Variants in LAMA4 observed in about 807,000 individuals in gnomAD.
LAMA4 encodes the protein laminin subunit alpha 4.
In LAMA4, 127 loss-of-function variants were observed where a neutral mutation model predicts 207.1. That is an observed-to-expected ratio of 0.61 (90% confidence interval 0.53 to 0.71). LAMA4 has a LOEUF of 0.71. Ranked by LOEUF, LAMA4 falls within the 30% of genes least tolerant of loss-of-function variation. The pLI, the probability that LAMA4 is intolerant of heterozygous loss-of-function variation, is 0.00. For synonymous variants in LAMA4, 761 were observed against 816.0 expected (o/e 0.93, Z 1.15); for missense variants, 2,093 against 2,246.5 (o/e 0.93, Z 1.38).
chr6:112,121,704 G>T, intron 32 of LAMA4: 1 of 354,088 alleles, frequency 2.8e-6, no homozygotes, highest in Non-Finnish European at 5.4e-6. Context: ...GAGGGAGGGG[G>T]ATATCAATGT....
chr6:112,226,867 A>G (rs1785243003), intron 2 of LAMA4, among the ~76,000 whole-genome samples: 1 of 152,176 alleles, frequency 6.6e-6, no homozygotes. Flanking sequence ...AAACAGTATG[A>G]TGTTTATACT....
At chr6:112,182,405 T>C (rs1036014603) in intron 9 of LAMA4, among the ~76,000 whole-genome samples, 1 of 152,214 alleles carries the variant, frequency 6.6e-6, no homozygotes, top group South Asian at 2.1e-4. Context: ...ATGGTAAATT[T>C]GTATTTTGCG....
intron 25 of LAMA4, among the ~76,000 whole-genome samples, chr6:112,135,264 C>T (rs1442507831): frequency 6.6e-6 from 1 of 152,148 alleles, no homozygotes; most frequent in Non-Finnish European, 1.5e-5. Context: ...ACACATTGAA[C>T]AGCAATTTCT....
chr6:112,120,192 A>G (rs1778265544), intron 33 of LAMA4, 91 bp downstream of exon 33: 1 of 1,037,386 alleles, frequency 9.6e-7, no homozygotes, highest in Non-Finnish European at 1.4e-6. Context: ...TTTAAAATGG[A>G]TATTTCTAGA....
At chr6:112,212,213 T>C (rs1554356880) in intron 3 of LAMA4, among the ~76,000 whole-genome samples, 1 of 145,848 alleles carries the variant, frequency 6.9e-6, no homozygotes, top group African/African-American at 2.6e-5. Context: ...ATTACTTGCA[T>C]TCAGTTTCTG....
intron 3 of LAMA4, among the ~76,000 whole-genome samples, chr6:112,214,391 CTTCT>C: frequency 1.3e-5 from 2 of 152,144 alleles, no homozygotes; most frequent in Middle Eastern, 6.8e-3. Flanking sequence ...GCCACTATAT[CTTCT>C]TTCTTTCTAA....
intron 16 of LAMA4, among the ~76,000 whole-genome samples, chr6:112,153,687 AG>A (rs1780531570): frequency 1.3e-5 from 2 of 152,128 alleles, no homozygotes; most frequent in Admixed American, 1.3e-4. Context: ...AGCAATACAT[AG>A]ATATAGCAAC....
chr6:112,109,896 TTTTTAA>T (rs1554321088), intron 38 of LAMA4, among the ~76,000 whole-genome samples: 1 of 152,208 alleles, frequency 6.6e-6, no homozygotes, highest in Non-Finnish European at 1.5e-5. Context: ...CTACCTATGT[TTTTTAA>T]AGTTAATTTC....
At chr6:112,172,526 A>T (rs1180938148) in intron 12 of LAMA4, 85 bp downstream of exon 12, 24 of 1,315,402 alleles carry the variant, frequency 1.8e-5, no homozygotes, top group East Asian at 4.8e-5. Context: ...CCAATATTTT[A>T]AAAAAATTTA....
rs2115024186 is a variant in LAMA4, at chr6:112,207,058, A to G, written c.385T>C (p.Cys129Arg). ...GDSIRGAPQF[C>R]QPCPCPLPHL... ...GGCAGGGGACAGGGGCACGGCTGGC[A>G]GAATTGGGGTGCTCCCCTGATGGAA... is the stretch of plus-strand genomic sequence containing the variant. Residue 129 changes from cysteine (C) to arginine (R), a missense_variant, in exon 4 of 39, where the codon TGC (cysteine) becomes CGC (arginine). Physicochemically the swap from Cys to Arg is radical, Grantham distance 180. Transcript: ENST00000230538. The G allele has an allele frequency of 6.2e-7, 1 of 1,614,018 alleles. No homozygotes were observed. The highest frequency in any genetic ancestry group is 2.2e-5 in the East Asian group (1 of 44,850).
chr6:112,114,571 A>G (rs587722742), intron 37 of LAMA4, 92 bp downstream of exon 37: 15 of 853,938 alleles, frequency 1.8e-5, no homozygotes, highest in South Asian at 1.7e-4. Flanking sequence ...ACTGTCATGC[A>G]TTACCTATCA....
rs782519121 is a variant in LAMA4 at position 112,132,752 on chromosome 6, C to A, written c.3834+1G>T. On this transcript the variant is annotated splice_donor_variant, in intron 28 of 38. Coordinates refer to ENST00000230538, the MANE Select transcript of LAMA4 (RefSeq NM_001105206.3). LOFTEE classifies it high-confidence loss of function. Reference sequence around the variant, plus strand: ...TTCCTCAGAGAAAAACAAACACTTACCCCTGAAGCATAATAGAATAGTAAC... The same window carrying A: ...TTCCTCAGAGAAAAACAAACACTTAACCCTGAAGCATAATAGAATAGTAAC... 1 of 1,612,488 alleles carries A rather than the reference C, an allele frequency of 6.2e-7. No individual in the cohort carries two copies.
chr6:112,119,160 A>C lies in LAMA4; in HGVS notation c.4817T>G (p.Val1606Gly). ...GVAPGKAVKNVQINSIYSFSG... is the reference protein window; with the variant it reads ...GVAPGKAVKNGQINSIYSFSG... ...ACCTGGTCATGCCTGGCTTACCTGA[A>C]CATTTTTCACAGCCTTTCCAGGAGC... Residue 1606 changes from valine to glycine, a missense_variant, in exon 34 of 39, where the codon GTT becomes GGT. Val to Gly is a moderately radical substitution (Grantham distance 109). Coordinates refer to ENST00000230538, the MANE Select transcript of LAMA4 (RefSeq NM_001105206.3). 1 of 1,613,870 alleles carries C rather than the reference A, an allele frequency of 6.2e-7. No homozygotes were observed. Among genetic ancestry groups the C allele is most frequent in the Non-Finnish European group, 8.5e-7 (1 of 1,179,884 alleles).
chr6:112,175,512 C>T, intron 10 of LAMA4, 32 bp from the exon 11 acceptor site: 1 of 1,612,006 alleles, frequency 6.2e-7, no homozygotes, highest in East Asian at 2.2e-5. Context: ...AACAAGGCAG[C>T]AGGGAGAGAT....
At chr6:112,247,984 C>CGTG (rs147318270) in intron 2 of LAMA4, among the ~76,000 whole-genome samples, 2,664 of 152,176 alleles carry the variant, frequency 0.018, 81 homozygotes, top group African/African-American at 0.062. Context: ...AAGCTAGGCA[C>CGTG]AAAAGGATAA....
At chr6:112,177,993 AC>A in intron 10 of LAMA4, 127 bp downstream of exon 10, 1 of 722,676 alleles carries the variant, frequency 1.4e-6, no homozygotes, top group Non-Finnish European at 2.5e-6. Flanking sequence ...ACAAGTTTAA[AC>A]CTATAATACT....
intron 25 of LAMA4, among the ~76,000 whole-genome samples, chr6:112,134,918 A>C (rs1369497404): frequency 9.3e-6 from 1 of 107,508 alleles, no homozygotes; most frequent in African/African-American, 4.2e-5. Flanking sequence ...AAAGAACTAT[A>C]AACAGGTGCC....
intron 21 of LAMA4, 52 bp downstream of exon 21, chr6:112,141,306 C>T: frequency 6.4e-7 from 1 of 1,558,872 alleles, no homozygotes. Context: ...GCACGTTCAA[C>T]AGGTTTCTTG....
At chr6:112,241,989 A>C (rs1786551998) in intron 2 of LAMA4, among the ~76,000 whole-genome samples, 1 of 152,182 alleles carries the variant, frequency 6.6e-6, no homozygotes, top group South Asian at 2.1e-4. Flanking sequence ...CCTTGTTACC[A>C]AGAAAAACAT....
Sources: gnomAD v4.1 joint callset for allele counts (sites outside exome capture counted in the v4.1 genomes callset) on GRCh38, gnomAD v4.1.1 for gene constraint, MANE v1.5 for transcripts, NCBI Gene and HGNC (gene_info 2026-07-23, HGNC 2026-07-21) for gene names.